Variants in ANKHD1 observed in about 807,000 individuals in gnomAD.
ANKHD1 encodes the protein ankyrin repeat and KH domain-containing protein 1.
A neutral mutation model predicts 230.5 loss-of-function variants in ANKHD1; 31 were observed. That is an observed-to-expected ratio of 0.13 (90% CI 0.10 to 0.18). The LOEUF (loss-of-function observed/expected upper bound fraction) is 0.18. Ranked by LOEUF, ANKHD1 falls within the 10% of genes least tolerant of loss-of-function variation. The probability of loss-of-function intolerance (pLI) is 1.00; values close to 1 mark genes in which losing one functional copy is unlikely to be tolerated. For missense variants in ANKHD1, 2,256 were observed against 3,071.3 expected (o/e 0.73, Z 6.27); for synonymous variants, 1,074 against 1,117.6 (o/e 0.96, Z 0.78).
At chr5:140,525,937 C>G in intron 25 of ANKHD1, 59 bp from the exon 26 acceptor site, 9 of 1,500,904 alleles carry the variant, frequency 6.0e-6, no homozygotes, top group Non-Finnish European at 8.0e-6. Context: ...TATATTCTGT[C>G]AGAATTTGTT....
At chr5:140,470,316 A>G (rs1182222107) in intron 10 of ANKHD1, among the ~76,000 whole-genome samples, 3 of 151,770 alleles carry the variant, frequency 2.0e-5, no homozygotes, top group East Asian at 1.9e-4. Context: ...ATAGTCTTTA[A>G]TAAGTTGTCA....
Position 140,429,339 on chromosome 5 carries a change from G to T in ANKHD1, c.307-6765G>T, listed in dbSNP as rs536725745. The stretch of plus-strand genomic sequence containing the variant: ...GATTTCCTGACCTTGTGATCCACCC[G>T]CCTCGGCCTCCCAAAGTGCTGGGAT... On this transcript the variant is annotated intron_variant, in intron 1 of 33. Transcript: ENST00000360839. Among the ~76,000 whole-genome samples, 355 of 152,060 alleles carry T rather than the reference G, an allele frequency of 2.3e-3. 1 individual carries two copies. The highest frequency in any genetic ancestry group is 0.02 in the South Asian group (94 of 4,808).
chr5:140,477,879 G>T (rs1936479146), intron 10 of ANKHD1, among the ~76,000 whole-genome samples: 1 of 152,072 alleles, frequency 6.6e-6, no homozygotes, highest in Non-Finnish European at 1.5e-5. Flanking sequence ...CAAAGTGCTG[G>T]GATTACAGGC....
chr5:140,537,688 T>TA, intron 31 of ANKHD1, 99 bp downstream of exon 31: 1 of 1,438,962 alleles, frequency 6.9e-7, no homozygotes, highest in Non-Finnish European at 9.1e-7. Context: ...AAAAAAAACT[T>TA]AGTTCCTATG....
At chr5:140,419,828 TTCTTTCTTTTTCTTTC>T (rs1561691214) in intron 1 of ANKHD1, among the ~76,000 whole-genome samples, 4 of 126,618 alleles carry the variant, frequency 3.2e-5, no homozygotes, top group African/African-American at 1.2e-4. Context: ...CTTTCTTTCT[TTCTTTCTTTTTCTTTC>T]TCTTTCTTTT....
chr5:140,449,677 A>G (rs1200534642), intron 7 of ANKHD1, among the ~76,000 whole-genome samples: 1 of 124,404 alleles, frequency 8.0e-6, no homozygotes, highest in African/African-American at 3.0e-5. Context: ...AAAAAAAAAA[A>G]GAGTTATTAA....
intron 14 of ANKHD1, among the ~76,000 whole-genome samples, chr5:140,492,730 CA>C (rs1320858278): frequency 1.3e-5 from 2 of 152,036 alleles, no homozygotes; most frequent in African/African-American, 4.8e-5. Flanking sequence ...TAGACAAAAC[CA>C]AGTAAGGAAA....
At chr5:140,437,468 C>T (rs1211653492) in intron 2 of ANKHD1, among the ~76,000 whole-genome samples, 1 of 152,122 alleles carries the variant, frequency 6.6e-6, no homozygotes, top group Non-Finnish European at 1.5e-5. Context: ...TTCGGGAGGC[C>T]GAGGCAGGTG....
At chr5:140,466,033 G>T (rs1776058435) in intron 10 of ANKHD1, among the ~76,000 whole-genome samples, 1 of 152,216 alleles carries the variant, frequency 6.6e-6, no homozygotes, top group South Asian at 2.1e-4. Flanking sequence ...TTCTTACCTG[G>T]ATTCTCTCTT....
At chr5:140,493,386 T>G (rs562763697) in intron 14 of ANKHD1, among the ~76,000 whole-genome samples, 3 of 152,194 alleles carry the variant, frequency 2.0e-5, no homozygotes, top group Non-Finnish European at 2.9e-5. Flanking sequence ...TAAATAGTAC[T>G]TTATGATATC....
intron 14 of ANKHD1, among the ~76,000 whole-genome samples, chr5:140,491,090 G>GTATATATA (rs1482029581): frequency 1.0e-5 from 1 of 96,584 alleles, no homozygotes; most frequent in Non-Finnish European, 2.1e-5. Flanking sequence ...ATGTGTGTGT[G>GTATATATA]TGTATATATA....
intron 7 of ANKHD1, among the ~76,000 whole-genome samples, chr5:140,450,714 A>AT (rs1204793514): frequency 6.6e-6 from 1 of 152,082 alleles, no homozygotes; most frequent in Non-Finnish European, 1.5e-5. Flanking sequence ...TAACTTTTAA[A>AT]TTTTTTGTAG....
At chr5:140,445,194 G>A (rs192493623) in intron 5 of ANKHD1, among the ~76,000 whole-genome samples, 1 of 152,140 alleles carries the variant, frequency 6.6e-6, no homozygotes, top group East Asian at 1.9e-4. Context: ...AATTGGCCGG[G>A]CGTGGTATAA....
intron 10 of ANKHD1, among the ~76,000 whole-genome samples, chr5:140,475,333 AT>A (rs1186682361): frequency 6.6e-6 from 1 of 152,160 alleles, no homozygotes; most frequent in African/African-American, 2.4e-5. Context: ...AAAATACACA[AT>A]GGGGGCTGAG....
At chr5:140,420,832 T>C (rs1294982471) in intron 1 of ANKHD1, among the ~76,000 whole-genome samples, 1 of 152,208 alleles carries the variant, frequency 6.6e-6, no homozygotes, top group Non-Finnish European at 1.5e-5. Context: ...ATTGGTTATA[T>C]TCTTGTTCTC....
chr5:140,449,115 C>A (rs1202676202), intron 6 of ANKHD1, 96 bp from the exon 7 acceptor site: 12 of 1,241,646 alleles, frequency 9.7e-6, no homozygotes, highest in Admixed American at 2.5e-5. Flanking sequence ...TTATCAAATT[C>A]TTGTATAGAC....
Position 140,431,438 on chromosome 5 carries a change from G to A in ANKHD1, c.307-4666G>A, listed in dbSNP as rs566277858. ...GTGGAGAAAATAGACACTGTGGTGA[G>A]GGACAGGACAAAAGAATTGTAATTA... On this transcript the variant is annotated intron_variant, in intron 1 of 33. Coordinates refer to ENST00000360839, the MANE Select transcript of ANKHD1 (RefSeq NM_017747.3). 6.6e-5 allele frequency among the ~76,000 whole-genome samples: 10 copies of A among 152,280 alleles called. No homozygotes were observed. In the South Asian group the frequency reaches 2.1e-3, roughly 32 times the overall value.
intron 11 of ANKHD1, 81 bp downstream of exon 11, chr5:140,482,748 T>C (rs1751340527): frequency 1.4e-6 from 2 of 1,469,184 alleles, no homozygotes; most frequent in Middle Eastern, 1.7e-4. Context: ...ATTTATGTTA[T>C]GGCTACTTTA....
At chr5:140,418,199 A>G (rs570612056) in intron 1 of ANKHD1, among the ~76,000 whole-genome samples, 1 of 147,482 alleles carries the variant, frequency 6.8e-6, no homozygotes, top group South Asian at 2.1e-4. Flanking sequence ...ACCTGGAGTT[A>G]AGAGTGGCAC....
Sources: allele counts gnomAD v4.1 joint callset (sites outside exome capture counted in the v4.1 genomes callset), GRCh38; gene constraint gnomAD v4.1.1; transcripts MANE v1.5; gene names NCBI Gene and HGNC (gene_info 2026-07-23, HGNC 2026-07-21).